SCFD2: variants seen among roughly 807,000 people sequenced by gnomAD.
SCFD2 encodes the protein sec1 family domain-containing protein 2.
SCFD2 carries 54 observed loss-of-function variants against 58.9 expected under a neutral mutation model. That is an observed-to-expected ratio of 0.92 (90% CI 0.74 to 1.15). SCFD2 has a LOEUF of 1.15. Ranked by LOEUF, SCFD2 falls within the 50% of genes most tolerant of loss-of-function variation. The pLI is 0.00. For missense variants in SCFD2, 805 were observed against 836.6 expected, an observed-to-expected ratio of 0.96 and a Z score of 0.47; for synonymous variants, 321 against 335.9, an observed-to-expected ratio of 0.96 and a Z score of 0.49.
At chr4:53,013,274 G>A (rs1434783608) in intron 5 of SCFD2, among the ~76,000 whole-genome samples, 2 of 152,184 alleles carry the variant, frequency 1.3e-5, no homozygotes, top group African/African-American at 4.8e-5. Context: ...GGTAAATACA[G>A]CTATGTTAGT....
chr4:52,960,473 A>G (rs1010552740), intron 5 of SCFD2, among the ~76,000 whole-genome samples: 5 of 150,496 alleles, frequency 3.3e-5, no homozygotes, highest in African/African-American at 4.9e-5. Context: ...GGTTCAAGTG[A>G]TTCTCCTGCC....
intron 5 of SCFD2, among the ~76,000 whole-genome samples, chr4:52,945,958 A>T (rs186132210): frequency 1.1e-3 from 166 of 152,284 alleles, no homozygotes; most frequent in Non-Finnish European, 1.4e-3. Context: ...AAATTAACTG[A>T]TTTTAAAAAG....
chr4:53,297,751 G>A (rs1375561873), intron 3 of SCFD2, among the ~76,000 whole-genome samples: 4 of 152,136 alleles, frequency 2.6e-5, no homozygotes, highest in East Asian at 1.9e-4. Flanking sequence ...TCAAAGCATC[G>A]ATGGTCTTTA....
At chr4:52,958,363 T>G (rs758593436) in intron 5 of SCFD2, among the ~76,000 whole-genome samples, 1 of 152,254 alleles carries the variant, frequency 6.6e-6, no homozygotes, top group Non-Finnish European at 1.5e-5. Flanking sequence ...AAGAATTAAC[T>G]GGGCTCTTAT....
chr4:53,320,443 C>T (rs1190408431), intron 2 of SCFD2, among the ~76,000 whole-genome samples: 1 of 152,068 alleles, frequency 6.6e-6, no homozygotes, highest in South Asian at 2.1e-4. Flanking sequence ...ATGGTGAAAC[C>T]CCATCTCTAC....
intron 3 of SCFD2, among the ~76,000 whole-genome samples, chr4:53,288,559 C>T (rs146004157): frequency 3.3e-5 from 5 of 151,826 alleles, no homozygotes; most frequent in African/African-American, 4.8e-5. Flanking sequence ...ACTTTGCAGG[C>T]AAGGAGATAA....
chr4:52,874,043 G>T lies in SCFD2; in HGVS notation c.1981C>A (p.Arg661=), dbSNP rs143013352. 13 of 1,613,594 alleles carry T rather than the reference G, an allele frequency of 8.1e-6. No homozygotes were observed. In the Admixed American group the frequency reaches 1.5e-4, roughly 19 times the overall value. ...PGTQVIVLST[R]LLKPLNIPEL... ...GGAATGTTAAGTGGCTTCAGGAGTC[G>T]TGTGGACAGCACGATTACCTAACAA... is the stretch of plus-strand genomic sequence containing the variant. Residue 661 remains arginine (R), a synonymous_variant, in exon 9 of 9, where the codon CGA becomes AGA. Coordinates refer to ENST00000401642, the MANE Select transcript of SCFD2 (RefSeq NM_152540.4).
intron 5 of SCFD2, among the ~76,000 whole-genome samples, chr4:53,025,008 A>G (rs1310591168): frequency 2.0e-5 from 3 of 152,204 alleles, no homozygotes; most frequent in African/African-American, 7.2e-5. Context: ...TCACAGATAA[A>G]CAGGGCACAT....
chr4:52,983,793 C>T (rs1721430292), intron 5 of SCFD2, among the ~76,000 whole-genome samples: 1 of 152,150 alleles, frequency 6.6e-6, no homozygotes, highest in Admixed American at 6.5e-5. Context: ...GAGTGACAAA[C>T]CCTCTCCTTT....
At chr4:53,339,067 GA>G (rs1733779554) in intron 2 of SCFD2, among the ~76,000 whole-genome samples, 1 of 151,954 alleles carries the variant, frequency 6.6e-6, no homozygotes, top group Admixed American at 6.6e-5. Context: ...TAAATATGAG[GA>G]AAAAAGAACA....
At chr4:52,892,712 C>G (rs1184596777) in intron 7 of SCFD2, among the ~76,000 whole-genome samples, 1 of 152,232 alleles carries the variant, frequency 6.6e-6, no homozygotes, top group Non-Finnish European at 1.5e-5. Flanking sequence ...ACTTATCTCT[C>G]CTCTCTGCAA....
intron 4 of SCFD2, among the ~76,000 whole-genome samples, chr4:53,255,798 G>A (rs1208791304): frequency 6.6e-6 from 1 of 150,998 alleles, no homozygotes. Context: ...GCCGGGCAGA[G>A]GCGCCCCTCA....
intron 4 of SCFD2, among the ~76,000 whole-genome samples, chr4:53,237,663 C>G (rs1729686836): frequency 7.1e-6 from 1 of 140,112 alleles, no homozygotes; most frequent in African/African-American, 2.7e-5. Context: ...CCACCTCCCT[C>G]CCGGACGGGG....
intron 4 of SCFD2, among the ~76,000 whole-genome samples, chr4:53,216,852 G>C (rs555126059): frequency 6.6e-6 from 1 of 152,110 alleles, no homozygotes; most frequent in Non-Finnish European, 1.5e-5. Context: ...TTGTGTCTTT[G>C]TTCTCATTGG....
At chr4:53,330,433 G>C (rs1028308085) in intron 2 of SCFD2, among the ~76,000 whole-genome samples, 20 of 152,036 alleles carry the variant, frequency 1.3e-4, no homozygotes, top group Non-Finnish European at 2.5e-4. Flanking sequence ...AGAGTGGGGG[G>C]CAATATTCAA....
intron 5 of SCFD2, among the ~76,000 whole-genome samples, chr4:52,992,116 C>A (rs1433626049): frequency 6.6e-6 from 1 of 152,182 alleles, no homozygotes; most frequent in African/African-American, 2.4e-5. Context: ...CAGCTCACTG[C>A]AACCTCCCTG....
intron 5 of SCFD2, among the ~76,000 whole-genome samples, chr4:52,992,599 C>T (rs1399726591): frequency 2.6e-5 from 4 of 151,668 alleles, no homozygotes; most frequent in South Asian, 2.1e-4. Context: ...TCTGCCCGGC[C>T]GCCCATCGTC....
chr4:53,336,655 G>T (rs1010962407), intron 2 of SCFD2, among the ~76,000 whole-genome samples: 1 of 152,086 alleles, frequency 6.6e-6, no homozygotes, highest in Non-Finnish European at 1.5e-5. Context: ...CTTCTGAGTA[G>T]CTAGACTACC....
intron 2 of SCFD2, among the ~76,000 whole-genome samples, chr4:53,328,110 G>A (rs1166275811): frequency 6.6e-6 from 1 of 151,152 alleles, no homozygotes; most frequent in Non-Finnish European, 1.5e-5. Flanking sequence ...AACCCAGCCT[G>A]GGTGACAGAG....
Sources: gnomAD v4.1 joint callset for allele counts (sites outside exome capture counted in the v4.1 genomes callset) on GRCh38, gnomAD v4.1.1 for gene constraint, MANE v1.5 for transcripts, NCBI Gene and HGNC (gene_info 2026-07-23, HGNC 2026-07-21) for gene names.